Variants in COL5A1 observed in about 807,000 individuals in gnomAD.
The protein encoded by COL5A1 is collagen type V alpha 1 chain.
In COL5A1, 16 loss-of-function variants were observed where a neutral mutation model predicts 263.7. The ratio of observed to expected loss-of-function variants is 0.06; its 90% CI spans 0.04 to 0.09. The LOEUF (loss-of-function observed/expected upper bound fraction) is 0.09, where lower values mean the gene tolerates loss of function less well. Ranked by LOEUF, COL5A1 falls within the 10% of genes least tolerant of loss-of-function variation. The pLI, the probability that COL5A1 is intolerant of heterozygous loss-of-function variation, is 1.00. For missense variants in COL5A1, 2,036 were observed against 2,540.5 expected (o/e 0.80, Z 4.27); for synonymous variants, 1,012 against 1,004.5 (o/e 1.01, Z -0.14).
In COL5A1 at chr9:134,750,900, C is replaced by T. The variant is rs1265188320; in HGVS notation, c.1662+18C>T. The T allele has an allele frequency of 6.2e-7, 1 of 1,605,842 alleles. No individual in the cohort carries two copies. Among genetic ancestry groups the T allele is most frequent in the Non-Finnish European group, 8.5e-7 (1 of 1,174,198 alleles). On this transcript the variant is annotated intron_variant, in intron 13 of 65. Transcript: ENST00000371817. The stretch of plus-strand genomic sequence containing the variant: ...AGGCCAGGGTGAGTACTGCTGGGTC[C>T]CAAGAGGCCTGAAGGGGACAGAGCC...
chr9:134,668,670 A>G (rs1315660191), intron 1 of COL5A1, among the ~76,000 whole-genome samples: 3 of 151,864 alleles, frequency 2.0e-5, no homozygotes, highest in Admixed American at 2.0e-4. Flanking sequence ...CCAATCAGAC[A>G]CCCACTCACC....
chr9:134,782,541 G>T (rs763935679), intron 28 of COL5A1, 126 bp from the exon 29 acceptor site: 2 of 890,250 alleles, frequency 2.2e-6, no homozygotes, highest in African/African-American at 1.6e-5. Flanking sequence ...ACCCCGTCCG[G>T]GCCATGTGCT....
intron 5 of COL5A1, 81 bp downstream of exon 5, chr9:134,727,478 G>A: frequency 1.3e-6 from 2 of 1,508,014 alleles, no homozygotes; most frequent in Middle Eastern, 1.7e-4. Flanking sequence ...TAAGCCATGG[G>A]ACCCTTATTT....
rs1030582099 is a variant in COL5A1, at chr9:134,727,367, A to G, written c.756A>G (p.Pro252=). The change falls in exon 5 of 66, where the codon CCA becomes CCG. Residue 252 remains proline, a synonymous_variant. Transcript: ENST00000371817. ...GTGACACCGCAGTACCTGACACCCC[A>G]CAGTCGCAGGACCCCAATCCAGATG... is the stretch of plus-strand genomic sequence containing the variant. ...PDCDTAVPDT[P]QSQDPNPDEY... The G allele has an allele frequency of 1.9e-6, 3 of 1,614,026 alleles. No homozygotes were observed. Among genetic ancestry groups the G allele is most frequent in the Non-Finnish European group, 2.5e-6 (3 of 1,180,018 alleles).
At chr9:134,822,871 T>G in intron 59 of COL5A1, 127 bp from the exon 60 acceptor site, 2 of 1,070,048 alleles carry the variant, frequency 1.9e-6, no homozygotes, top group Non-Finnish European at 2.8e-6. Flanking sequence ...AATACAAGCA[T>G]AGACTCTTGA....
chr9:134,838,263 C>T (rs187421217), intron 65 of COL5A1, among the ~76,000 whole-genome samples: 6 of 152,290 alleles, frequency 3.9e-5, no homozygotes, highest in Admixed American at 2.0e-4. Flanking sequence ...TACCGAGTGA[C>T]GGCAACCCAG....
rs139679881 is a variant in COL5A1 at position 134,825,398 on chromosome 9, G to A, written c.4955-394G>A. Among the ~76,000 whole-genome samples the A allele has an allele frequency of 4.7e-3, 719 of 152,312 alleles. 6 individuals are homozygous for A. Among genetic ancestry groups the A allele is most frequent in the Middle Eastern group, 0.01 (3 of 294 alleles). On this transcript the variant is annotated intron_variant, in intron 62 of 65. Transcript: ENST00000371817. ...AGCTTTTCTTCCCCCTGGGAAGTTT[G>A]AATGTTCCCCCTGCAAGATTCGAGG...
At chr9:134,822,840 T>G in intron 59 of COL5A1, 158 bp from the exon 60 acceptor site, 3 of 866,720 alleles carry the variant, frequency 3.5e-6, no homozygotes, top group Non-Finnish European at 5.6e-6. Context: ...GCCCCGACCC[T>G]CCTCCCACTC....
chr9:134,823,155 C>T lies in COL5A1; in HGVS notation c.4644+122C>T, dbSNP rs1278981829. 11 of 1,249,428 alleles carry T rather than the reference C, an allele frequency of 8.8e-6. No homozygotes were observed. The East Asian group carries it at 2.7e-4, about 31-fold the overall frequency. 77.4% of individuals were successfully genotyped at this position (1,249,428 alleles called of 1,614,324 possible). A position where few individuals can be genotyped will look rare whatever the true frequency, so the allele number is the denominator to read the frequency against. Reference sequence around the variant, plus strand: ...AGCTCAGGCCCTGCTGCTCACGATCCTCCCATCTTTCTACACTGACCCATG... The same window carrying T: ...AGCTCAGGCCCTGCTGCTCACGATCTTCCCATCTTTCTACACTGACCCATG... On this transcript the variant is annotated intron_variant, in intron 60 of 65. Coordinates refer to ENST00000371817, the MANE Select transcript of COL5A1 (RefSeq NM_000093.5).
Position 134,724,484 on chromosome 9 carries a change from G to A in COL5A1, c.655-2782G>A, listed in dbSNP as rs375260750. Among the ~76,000 whole-genome samples, 201 of 152,296 alleles carry A rather than the reference G, an allele frequency of 1.3e-3. 1 individual carries two copies. The Middle Eastern group carries it at 0.024, about 18-fold the overall frequency. On this transcript the variant is annotated intron_variant, in intron 4 of 65. Coordinates refer to ENST00000371817, the MANE Select transcript of COL5A1 (RefSeq NM_000093.5). ...GTGCCTGCGGGCTGGGATTCCCTCC[G>A]CCCCGCCCGTGTGCGCAGTGGTTGT... is the stretch of plus-strand genomic sequence containing the variant.
At chr9:134,730,626 T>A in intron 7 of COL5A1, 151 bp downstream of exon 7, 2 of 1,078,102 alleles carry the variant, frequency 1.9e-6, no homozygotes, top group Non-Finnish European at 2.7e-6. Context: ...CCCTGGGCCC[T>A]TTGCAGCTGG....
intron 25 of COL5A1, 47 bp from the exon 26 acceptor site, chr9:134,772,743 C>T: frequency 6.2e-7 from 1 of 1,604,962 alleles, no homozygotes; most frequent in Non-Finnish European, 8.5e-7. Flanking sequence ...AGGGAGGCTG[C>T]TTTCTGGAGT....
chr9:134,726,334 G>GGAC (rs1287045998), intron 4 of COL5A1, among the ~76,000 whole-genome samples: 6 of 152,008 alleles, frequency 3.9e-5, no homozygotes, highest in African/African-American at 9.7e-5. Context: ...ATGAGTAGAG[G>GGAC]GACGGAGAGA....
chr9:134,656,688 A>G (rs897890613), intron 1 of COL5A1, among the ~76,000 whole-genome samples: 1 of 152,022 alleles, frequency 6.6e-6, no homozygotes, highest in Non-Finnish European at 1.5e-5. Context: ...ATGGTATCAT[A>G]TAATTCTTAT....
In COL5A1 at chr9:134,820,635, C is replaced by T. The variant is rs190093258; in HGVS notation, c.4554+412C>T. On this transcript the variant is annotated intron_variant, in intron 58 of 65. Transcript: ENST00000371817. ...GAGTGGCTGTTCTGGCTCCTGCTTC[C>T]ACCTTGTCCCCAGCTGCCCCCAAAC... Among the ~76,000 whole-genome samples, 17 of 152,312 alleles carry T rather than the reference C, an allele frequency of 1.1e-4. No individual in the cohort carries two copies. The East Asian group carries it at 2.9e-3, about 26-fold the overall frequency.
In COL5A1 at chr9:134,754,464, C is replaced by A; in HGVS notation, c.1827+138C>A. 1.0e-6 allele frequency: 1 copy of A among 985,200 alleles called. No homozygotes were observed. 61.0% of individuals were successfully genotyped at this position (985,200 alleles called of 1,614,324 possible). ...CTCCCCTTCTTGTGATGGGTGCGTCCATCCCCAAGGCTGCCTCTGAGCCAG... is the reference window on the plus strand; with the variant it reads ...CTCCCCTTCTTGTGATGGGTGCGTCAATCCCCAAGGCTGCCTCTGAGCCAG... On this transcript the variant is annotated intron_variant, in intron 16 of 65. Coordinates refer to ENST00000371817, the MANE Select transcript of COL5A1 (RefSeq NM_000093.5). The surrounding 1 kb of genome is among the most constrained non-coding windows in gnomAD (Gnocchi z 4.3).
At position 134,682,225 on chromosome 9, in the gene COL5A1, G is replaced by A. The variant is rs1021514916; in HGVS notation, c.110-8687G>A. Among the ~76,000 whole-genome samples the A allele has an allele frequency of 6.6e-6, 1 of 152,176 alleles. No individual in the cohort carries two copies. Among genetic ancestry groups the A allele is most frequent in the Non-Finnish European group, 1.5e-5 (1 of 68,032 alleles). ...GGCTGGACTGGGTGTCCCCAGAGCCGACAGCACTATTCGGCTGGGTGCCAG... is the reference window on the plus strand; with the variant it reads ...GGCTGGACTGGGTGTCCCCAGAGCCAACAGCACTATTCGGCTGGGTGCCAG... On this transcript the variant is annotated intron_variant, in intron 1 of 65. Transcript: ENST00000371817. The surrounding 1 kb of genome is among the most constrained non-coding windows in gnomAD (Gnocchi z 5.1).
chr9:134,793,507 G>A (rs922011353), intron 32 of COL5A1, among the ~76,000 whole-genome samples: 1 of 152,094 alleles, frequency 6.6e-6, no homozygotes, highest in East Asian at 1.9e-4. Context: ...CGTTGCGGTC[G>A]AGCCGGTATT....
rs547820188 is a variant in COL5A1, at chr9:134,677,167, G to T, written c.110-13745G>T. The stretch of plus-strand genomic sequence containing the variant: ...TCTCATCTTCCTTGAGCTTCATGAA[G>T]GAACAGTGTCTCTGCTGGATGCTAC... On this transcript the variant is annotated intron_variant, in intron 1 of 65. Transcript: ENST00000371817. The surrounding 1 kb of genome is among the most constrained non-coding windows in gnomAD (Gnocchi z 4.4). Among the ~76,000 whole-genome samples the T allele has an allele frequency of 3.3e-5, 5 of 152,284 alleles. No homozygotes were observed. The South Asian group carries it at 6.2e-4, about 19-fold the overall frequency.
Sources: gnomAD v4.1 joint callset for allele counts (sites outside exome capture counted in the v4.1 genomes callset) on GRCh38, gnomAD v4.1.1 for gene constraint, Gnocchi (gnomAD v3.1) non-coding constraint, MANE v1.5 for transcripts, NCBI Gene and HGNC (gene_info 2026-07-23, HGNC 2026-07-21) for gene names.